SLC38A6: variants seen among roughly 807,000 people sequenced by gnomAD.
SLC38A6 encodes the protein N system amino acid transporter NAT-1.
In SLC38A6, 73 loss-of-function variants were observed where a neutral mutation model predicts 65.0. The ratio of observed to expected loss-of-function variants is 1.12; its 90% CI spans 0.93 to 1.37. SLC38A6 has a LOEUF of 1.37. Among genes scored for constraint, SLC38A6 ranks in the 40% most tolerant of loss-of-function variants. SLC38A6 has a pLI of 0.00. For synonymous variants in SLC38A6, 183 were observed against 178.8 expected (o/e 1.02, Z -0.19); for missense variants, 561 against 531.1 (o/e 1.06, Z -0.55).
intron 4 of SLC38A6, among the ~76,000 whole-genome samples, chr14:61,017,072 G>A (rs759453734): frequency 3.9e-4 from 60 of 151,934 alleles, no homozygotes; most frequent in Non-Finnish European, 7.6e-4. Context: ...ACAGAGTTTC[G>A]CTCTTGTTGC....
In SLC38A6 at chr14:61,015,916, A is replaced by G. The variant is rs181093232; in HGVS notation, c.323A>G (p.Tyr108Cys). ...SMCIQTAVTS[Y>C]EDLGLFAFGL... Reference sequence around the variant, plus strand: ...TTTCTCTTAACAGCTGTAACATCTTATGAAGATCTTGGACTCTTTGCATTT... The same window carrying G: ...TTTCTCTTAACAGCTGTAACATCTTGTGAAGATCTTGGACTCTTTGCATTT... The change falls in exon 4 of 16, where the codon TAT becomes TGT. Residue 108 changes from tyrosine (Y) to cysteine (C), a missense_variant. Transcript: ENST00000267488. 3 of 1,608,284 alleles carry G rather than the reference A, an allele frequency of 1.9e-6. 1 individual carries two copies. The highest frequency in any genetic ancestry group is 1.7e-4 in the Middle Eastern group (1 of 6,036).
chr14:61,078,731 CTT>C (rs57476265), intron 15 of SLC38A6: 110 of 154,362 alleles, frequency 7.1e-4, no homozygotes, highest in Non-Finnish European at 1.1e-3. Context: ...CCTCTGGCAT[CTT>C]TTTTTTTTTA....
chr14:61,043,125 C>T lies in SLC38A6; in HGVS notation c.625-22C>T, dbSNP rs755808121. 4.2e-6 allele frequency: 6 copies of T among 1,422,452 alleles called. No individual in the cohort carries two copies. In the Admixed American group the frequency reaches 1.3e-4, roughly 30 times the overall value. The allele number at this position is 1,422,452 out of a possible 1,614,324, so 88.1% of individuals were successfully genotyped here. ...AATTTTATAAGAAATGATCTGAGTG[C>T]TGATTCTGTTTACTTTTTTAGGTAA... is the stretch of plus-strand genomic sequence containing the variant. On this transcript the variant is annotated intron_variant, in intron 8 of 15. Transcript: ENST00000267488.
chr14:61,075,264 T>C (rs2043361295), intron 15 of SLC38A6, among the ~76,000 whole-genome samples: 1 of 152,144 alleles, frequency 6.6e-6, no homozygotes, highest in Non-Finnish European at 1.5e-5. Flanking sequence ...GACACAAAAA[T>C]ACCTTGTGTG....
intron 15 of SLC38A6, among the ~76,000 whole-genome samples, chr14:61,063,396 G>A (rs915010407): frequency 6.6e-6 from 1 of 152,118 alleles, no homozygotes; most frequent in Admixed American, 6.5e-5. Flanking sequence ...ATTCTACTTG[G>A]CAGAGACAAA....
chr14:61,066,755 A>G (rs551218055), intron 15 of SLC38A6, among the ~76,000 whole-genome samples: 11 of 152,244 alleles, frequency 7.2e-5, no homozygotes, highest in Non-Finnish European at 1.3e-4. Context: ...TGAAAATACT[A>G]TATTTTTTAT....
chr14:61,041,786 G>C (rs1355294953), intron 8 of SLC38A6, among the ~76,000 whole-genome samples: 2 of 152,100 alleles, frequency 1.3e-5, no homozygotes, highest in Non-Finnish European at 1.5e-5. Context: ...TGTAGTCCCA[G>C]GCACTCGGGA....
chr14:61,009,913 G>C (rs923979897), intron 3 of SLC38A6, among the ~76,000 whole-genome samples: 17 of 152,232 alleles, frequency 1.1e-4, no homozygotes, highest in Non-Finnish European at 2.2e-4. Context: ...GGGATGGCTG[G>C]GTCAAATGGT....
chr14:61,043,663 AC>A (rs1269011084), intron 10 of SLC38A6, among the ~76,000 whole-genome samples, 160 bp downstream of exon 10: 4 of 150,810 alleles, frequency 2.7e-5, no homozygotes, highest in African/African-American at 9.7e-5. Flanking sequence ...CTATTATTTA[AC>A]ACAGGGTGGC....
chr14:61,037,044 C>CT lies in SLC38A6; in HGVS notation c.483-8dup, dbSNP rs754287921. On this transcript the variant is annotated splice_polypyrimidine_tract_variant and intron_variant, in intron 6 of 15. Transcript: ENST00000267488. ...CTGGAGTCCCATGCCTAAAGTAGAA[C>CT]TTTTTTTATAATAGATATTGGTATC... 1 of 1,485,186 alleles carries CT rather than the reference C, an allele frequency of 6.7e-7. No homozygotes were observed. Among genetic ancestry groups the CT allele is most frequent in the South Asian group, 1.1e-5 (1 of 89,406 alleles). 92.0% of individuals were successfully genotyped at this position (1,485,186 alleles called of 1,614,324 possible).
intron 5 of SLC38A6, among the ~76,000 whole-genome samples, chr14:61,027,812 G>A (rs2040693197): frequency 6.6e-6 from 1 of 151,968 alleles, no homozygotes; most frequent in Admixed American, 6.6e-5. Context: ...GAATAGAATG[G>A]TGGTGGCCTT....
chr14:60,998,507 C>T (rs1208498825), intron 3 of SLC38A6, among the ~76,000 whole-genome samples: 2 of 152,184 alleles, frequency 1.3e-5, no homozygotes, highest in Non-Finnish European at 2.9e-5. Context: ...GCTCCCCATC[C>T]ATCTCACTGA....
At chr14:61,044,146 C>G (rs530038798) in intron 10 of SLC38A6, among the ~76,000 whole-genome samples, 3 of 152,210 alleles carry the variant, frequency 2.0e-5, no homozygotes, top group Admixed American at 2.0e-4. Context: ...CAAAGTCTTC[C>G]CTGTTGCTGC....
At chr14:61,079,609 G>C (rs1318722424) in intron 16 of SLC38A6, among the ~76,000 whole-genome samples, 1 of 152,092 alleles carries the variant, frequency 6.6e-6, no homozygotes, top group Non-Finnish European at 1.5e-5. Context: ...TCAACATCTT[G>C]ATGCTACATT....
Position 61,041,966 on chromosome 14 carries a change from T to G in SLC38A6, c.625-1181T>G, listed in dbSNP as rs950091115. ...CCTCACCTCATCCTCATCGTTTTTT[T>G]TTGTTGTTGTTGTTTTTCTTTGAAA... On this transcript the variant is annotated intron_variant, in intron 8 of 15. Transcript: ENST00000267488. Among the ~76,000 whole-genome samples, 41 of 152,194 alleles carry G rather than the reference T, an allele frequency of 2.7e-4. 1 individual carries two copies. The East Asian group carries it at 2.9e-3, about 11-fold the overall frequency.
chr14:61,038,907 T>C (rs1242923814), intron 8 of SLC38A6, among the ~76,000 whole-genome samples: 1 of 152,196 alleles, frequency 6.6e-6, no homozygotes, highest in South Asian at 2.1e-4. Context: ...GTAGGCTCCA[T>C]ATTGAAAAAG....
chr14:61,015,885 T>C lies in SLC38A6; in HGVS notation c.311-19T>C, dbSNP rs201825776. The C allele has an allele frequency of 1.3e-6, 2 of 1,594,438 alleles. No homozygotes were observed. Among genetic ancestry groups the C allele is most frequent in the East Asian group, 2.2e-5 (1 of 44,462 alleles). On this transcript the variant is annotated intron_variant, in intron 3 of 15. Coordinates refer to ENST00000267488, the MANE Select transcript of SLC38A6 (RefSeq NM_153811.3). ...AAATAGTTTTGTGTAAAAGTGAACA[T>C]TGTAATTTCTCTTAACAGCTGTAAC... is the stretch of plus-strand genomic sequence containing the variant.
At chr14:61,019,617 T>G (rs780311460) in intron 5 of SLC38A6, 37 bp downstream of exon 5, 15 of 1,592,108 alleles carry the variant, frequency 9.4e-6, no homozygotes, top group Non-Finnish European at 1.3e-5. Flanking sequence ...TACATAAATG[T>G]GATGGCAATA....
chr14:61,082,338 C>T (rs1266541093), intron 16 of SLC38A6, among the ~76,000 whole-genome samples: 1 of 152,124 alleles, frequency 6.6e-6, no homozygotes. Flanking sequence ...CTGTTGACTG[C>T]TTTGATTTTG....
Sources: gnomAD v4.1 joint callset for allele counts (sites outside exome capture counted in the v4.1 genomes callset) on GRCh38, gnomAD v4.1.1 for gene constraint, MANE v1.5 for transcripts, NCBI Gene and HGNC (gene_info 2026-07-23, HGNC 2026-07-21) for gene names.